Variants in CFAP95 observed in about 807,000 individuals in gnomAD.
CFAP95 encodes cilia and flagella associated protein 95.
the CFAP95 span, among the ~76,000 whole-genome samples, chr9:69,842,102 G>A: frequency 2.0e-5 from 3 of 152,164 alleles, no homozygotes; most frequent in Middle Eastern, 3.2e-3. Context: ...CTATCTGTTC[G>A]GTGGATCAGG....
the CFAP95 span, among the ~76,000 whole-genome samples, chr9:69,902,679 G>T: frequency 2.1e-5 from 3 of 145,050 alleles, no homozygotes; most frequent in African/African-American, 7.6e-5. Flanking sequence ...TGGTATACCT[G>T]TTTTTTTTTT....
At chr9:69,851,137 G>T in the CFAP95 span, among the ~76,000 whole-genome samples, 4 of 152,058 alleles carry the variant, frequency 2.6e-5, no homozygotes, top group Non-Finnish European at 5.9e-5. Flanking sequence ...ATATTAGTTT[G>T]CTTAAGCAGG....
the CFAP95 span, among the ~76,000 whole-genome samples, chr9:69,821,807 G>A: frequency 6.6e-6 from 1 of 151,894 alleles, no homozygotes; most frequent in Non-Finnish European, 1.5e-5. Context: ...GTAAATCCAG[G>A]GTTGTATCTT....
At chr9:69,863,332 A>G in the CFAP95 span, among the ~76,000 whole-genome samples, 1 of 151,892 alleles carries the variant, frequency 6.6e-6, no homozygotes, top group African/African-American at 2.4e-5. Context: ...CTTATGTTAT[A>G]TGGGTAGAGA....
chr9:69,886,934 C>T, the CFAP95 span: 3 of 1,518,730 alleles, frequency 2.0e-6, no homozygotes, highest in Non-Finnish European at 2.7e-6. Flanking sequence ...TATTTGTGTA[C>T]TTGAAATGAT....
chr9:69,857,928 AC>A, the CFAP95 span: 43 of 1,613,958 alleles, frequency 2.7e-5, no homozygotes, highest in Non-Finnish European at 3.6e-5. Flanking sequence ...ATTGCCTGCC[AC>A]AGGTTTTGGA....
the CFAP95 span, among the ~76,000 whole-genome samples, chr9:69,898,534 C>T: frequency 6.6e-6 from 1 of 152,106 alleles, no homozygotes; most frequent in South Asian, 2.1e-4. Context: ...TAGCTGTTTA[C>T]CATATGAAGG....
At chr9:69,839,369 T>A in the CFAP95 span, among the ~76,000 whole-genome samples, 2 of 150,886 alleles carry the variant, frequency 1.3e-5, no homozygotes, top group Non-Finnish European at 3.0e-5. Flanking sequence ...GGTCCTGGAC[T>A]CTTTTTGGTT....
chr9:69,846,406 G>C, the CFAP95 span, among the ~76,000 whole-genome samples: 2 of 152,126 alleles, frequency 1.3e-5, no homozygotes, highest in Non-Finnish European at 2.9e-5. Context: ...CCACCTGCCA[G>C]ATTTGGAATG....
At chr9:69,866,783 C>T in the CFAP95 span, among the ~76,000 whole-genome samples, 1 of 152,214 alleles carries the variant, frequency 6.6e-6, no homozygotes, top group Admixed American at 6.5e-5. Flanking sequence ...GTTATTTATC[C>T]ATTTTGAAAT....
chr9:69,827,400 T>G, the CFAP95 span, among the ~76,000 whole-genome samples: 1 of 152,240 alleles, frequency 6.6e-6, no homozygotes, highest in African/African-American at 2.4e-5. Flanking sequence ...TTTCAACTGT[T>G]GGTTACTAGA....
the CFAP95 span, among the ~76,000 whole-genome samples, chr9:69,895,262 G>A: frequency 6.6e-6 from 1 of 151,840 alleles, no homozygotes; most frequent in Non-Finnish European, 1.5e-5. Context: ...TCAGTCTCAA[G>A]ATTGTAACAT....
At chr9:69,885,137 G>A in the CFAP95 span, 2 of 152,308 alleles carry the variant, frequency 1.3e-5, no homozygotes, top group South Asian at 2.1e-4. Context: ...CCAACAGCCC[G>A]TCTAAGTTGG....
At chr9:69,890,986 T>C in the CFAP95 span, among the ~76,000 whole-genome samples, 1 of 152,172 alleles carries the variant, frequency 6.6e-6, no homozygotes, top group Non-Finnish European at 1.5e-5. Flanking sequence ...TGGATGTTTA[T>C]TATAGCTCAT....
At chr9:69,839,824 C>T in the CFAP95 span, among the ~76,000 whole-genome samples, 1 of 151,504 alleles carries the variant, frequency 6.6e-6, no homozygotes, top group Non-Finnish European at 1.5e-5. Flanking sequence ...GCCTGTAATC[C>T]CAGCACTTTG....
At chr9:69,843,677 T>C in the CFAP95 span, among the ~76,000 whole-genome samples, 1 of 146,976 alleles carries the variant, frequency 6.8e-6, no homozygotes, top group Non-Finnish European at 1.5e-5. Context: ...CAGGGTCTTA[T>C]TCTGTTGCCC....
the CFAP95 span, chr9:69,887,021 A>G: frequency 1.5e-6 from 1 of 664,624 alleles, no homozygotes; most frequent in South Asian, 2.1e-5. Flanking sequence ...ATTTATTTTG[A>G]GATATTAGCT....
chr9:69,830,172 T>C, the CFAP95 span, among the ~76,000 whole-genome samples: 113 of 152,300 alleles, frequency 7.4e-4, no homozygotes, highest in African/African-American at 2.6e-3. Flanking sequence ...AACTTACATC[T>C]TGATCCCACA....
At chr9:69,846,096 T>C in the CFAP95 span, among the ~76,000 whole-genome samples, 4 of 152,176 alleles carry the variant, frequency 2.6e-5, no homozygotes, top group African/African-American at 9.7e-5. Context: ...CTTTGGTCCT[T>C]AAAAAACATT....
Sources: gnomAD v4.1 joint callset for allele counts (sites outside exome capture counted in the v4.1 genomes callset) on GRCh38, gnomAD v4.1.1 for gene constraint, MANE v1.5 for transcripts, NCBI Gene and HGNC (gene_info 2026-07-23, HGNC 2026-07-21) for gene names.